Variants in DLGAP2 observed in about 807,000 individuals in gnomAD.
The protein encoded by DLGAP2 is disks large-associated protein 2.
DLGAP2 carries 26 observed loss-of-function variants against 100.3 expected under a neutral mutation model. That is an observed-to-expected ratio of 0.26 (90% confidence interval 0.19 to 0.36). DLGAP2 has a LOEUF of 0.36. DLGAP2 is among the 10% of genes least tolerant of loss of function. The pLI is 1.00. For synonymous variants in DLGAP2, 886 were observed against 630.1 expected, an observed-to-expected ratio of 1.41 and a Z score of -6.08; for missense variants, 1,858 against 1,453.2, an observed-to-expected ratio of 1.28 and a Z score of -4.53.
intron 2 of DLGAP2, among the ~76,000 whole-genome samples, chr8:1,120,664 T>C (rs1796016249): frequency 6.6e-6 from 1 of 151,236 alleles, no homozygotes; most frequent in African/African-American, 2.4e-5. Context: ...TAAACCCTAG[T>C]CCTTTGGATG....
intron 2 of DLGAP2, among the ~76,000 whole-genome samples, chr8:1,166,420 A>T (rs915068618): frequency 1.3e-5 from 2 of 152,218 alleles, no homozygotes; most frequent in Non-Finnish European, 2.9e-5. Flanking sequence ...TGATAGCTCA[A>T]GCTCTTACCC....
At chr8:1,392,253 C>T (rs796620644) in intron 3 of DLGAP2, among the ~76,000 whole-genome samples, 18 of 152,270 alleles carry the variant, frequency 1.2e-4, no homozygotes, top group African/African-American at 3.6e-4. Context: ...TGAGTCATTC[C>T]TCCATGAGTC....
At chr8:1,145,926 C>T (rs1437612744) in intron 2 of DLGAP2, among the ~76,000 whole-genome samples, 1 of 151,636 alleles carries the variant, frequency 6.6e-6, no homozygotes, top group Non-Finnish European at 1.5e-5. Flanking sequence ...ATCCATGTCC[C>T]TACAAAGGAC....
At chr8:1,416,740 G>T (rs1008683888) in intron 3 of DLGAP2, among the ~76,000 whole-genome samples, 1 of 152,158 alleles carries the variant, frequency 6.6e-6, no homozygotes, top group African/African-American at 2.4e-5. Flanking sequence ...GTAAGAAAAG[G>T]AATCGGACGT....
At chr8:1,292,100 C>T (rs1203109518) in intron 3 of DLGAP2, among the ~76,000 whole-genome samples, 1 of 152,180 alleles carries the variant, frequency 6.6e-6, no homozygotes. Context: ...TGTGGTGTGT[C>T]AGCTAAGCCT....
rs1799664279 is a variant in DLGAP2, at chr8:1,704,886, CAT to C, written c.*3481_*3482del. ...TTAGAAGACACAGTGGCAGAGCACA[CAT>C]GTGCACAGGTTCTGATTATTTCTCT... On this transcript the variant is annotated 3_prime_UTR_variant, in exon 15 of 15. Transcript: ENST00000637795. The C allele has an allele frequency of 1.3e-5, 2 of 152,216 alleles. No individual in the cohort carries two copies. The highest frequency in any genetic ancestry group is 2.4e-5 in the African/African-American group (1 of 41,456). 9.4% of individuals were successfully genotyped at this position (152,216 alleles called of 1,614,324 possible).
intron 3 of DLGAP2, among the ~76,000 whole-genome samples, chr8:1,330,766 C>A (rs11775694): frequency 1.7e-5 from 2 of 116,408 alleles, no homozygotes; most frequent in South Asian, 3.3e-4. Flanking sequence ...ACCGCTTCAT[C>A]GGGACCGAGT....
At chr8:806,394 G>A (rs899374592) in intron 1 of DLGAP2, among the ~76,000 whole-genome samples, 1 of 152,200 alleles carries the variant, frequency 6.6e-6, no homozygotes, top group African/African-American at 2.4e-5. Flanking sequence ...CTGGATCTGT[G>A]AGTGGCGTGC....
intron 3 of DLGAP2, chr8:1,369,218 A>G (rs113874118): frequency 2.0e-4 from 30 of 152,242 alleles, no homozygotes; most frequent in African/African-American, 6.3e-4. Flanking sequence ...AATTCCACAG[A>G]TAGTGTGGTT....
chr8:873,748 T>C (rs760862063), intron 1 of DLGAP2, among the ~76,000 whole-genome samples: 13 of 152,180 alleles, frequency 8.5e-5, no homozygotes, highest in Non-Finnish European at 1.8e-4. Context: ...TGAAGCATTG[T>C]TATTAATTGT....
At chr8:1,371,510 G>C (rs575148309) in intron 3 of DLGAP2, among the ~76,000 whole-genome samples, 1 of 152,322 alleles carries the variant, frequency 6.6e-6, no homozygotes, top group South Asian at 2.1e-4. Flanking sequence ...TTAATATGCT[G>C]TGGTGGTTTG....
intron 2 of DLGAP2, among the ~76,000 whole-genome samples, chr8:1,027,149 A>G (rs1801823520): frequency 1.3e-5 from 2 of 152,204 alleles, no homozygotes; most frequent in Non-Finnish European, 2.9e-5. Flanking sequence ...TAAACACAAG[A>G]TGGGAAATGG....
chr8:1,051,122 C>T (rs1802674310), intron 2 of DLGAP2, among the ~76,000 whole-genome samples: 1 of 151,396 alleles, frequency 6.6e-6, no homozygotes, highest in Admixed American at 6.6e-5. Context: ...GGGGTCATTC[C>T]ATGATGGCCC....
chr8:1,281,807 A>G (rs1799819008), intron 3 of DLGAP2, among the ~76,000 whole-genome samples: 1 of 152,174 alleles, frequency 6.6e-6, no homozygotes, highest in Non-Finnish European at 1.5e-5. Flanking sequence ...GTCCCACCCC[A>G]CCAGCCTTTG....
chr8:1,185,924 C>T (rs569466172), intron 2 of DLGAP2, among the ~76,000 whole-genome samples: 21 of 152,294 alleles, frequency 1.4e-4, no homozygotes, highest in African/African-American at 4.3e-4. Flanking sequence ...CTGCCAAGGA[C>T]TTCTCGCCTC....
chr8:1,246,275 C>T (rs1798898879), intron 2 of DLGAP2, among the ~76,000 whole-genome samples: 1 of 152,188 alleles, frequency 6.6e-6, no homozygotes, highest in Non-Finnish European at 1.5e-5. Flanking sequence ...AACTTGCAGT[C>T]AGTCTGGACA....
intron 1 of DLGAP2, among the ~76,000 whole-genome samples, chr8:766,102 G>C (rs1481992080): frequency 2.0e-5 from 3 of 152,212 alleles, no homozygotes; most frequent in Non-Finnish European, 2.9e-5. Context: ...GGGAAGCGGA[G>C]GTTGTAGTGA....
intron 3 of DLGAP2, among the ~76,000 whole-genome samples, chr8:1,387,413 G>A (rs116917592): frequency 1.3e-5 from 2 of 152,206 alleles, no homozygotes; most frequent in Non-Finnish European, 1.5e-5. Context: ...TGCAGAGAAG[G>A]CTGGGTTTGG....
chr8:1,690,660 C>T (rs113698446), intron 12 of DLGAP2, among the ~76,000 whole-genome samples: 10,637 of 143,308 alleles, frequency 0.074, 1,171 homozygotes, highest in African/African-American at 0.24. Flanking sequence ...GCCAGGATTG[C>T]GCCACTCCAC....
Sources: gnomAD v4.1 joint callset for allele counts (sites outside exome capture counted in the v4.1 genomes callset) on GRCh38, gnomAD v4.1.1 for gene constraint, MANE v1.5 for transcripts, NCBI Gene and HGNC (gene_info 2026-07-23, HGNC 2026-07-21) for gene names.